The following CDH18 variants were observed in gnomAD, a reference collection of about 807,000 sequenced individuals.
CDH18 encodes cadherin-18.
CDH18 carries 31 observed loss-of-function variants against 67.9 expected under a neutral mutation model. The ratio of observed to expected loss-of-function variants is 0.46; its 90% CI spans 0.34 to 0.62. The LOEUF (loss-of-function observed/expected upper bound fraction) is 0.62. CDH18 is among the 20% of genes least tolerant of loss of function. CDH18 has a pLI of 0.01. For synonymous variants in CDH18, 362 were observed against 347.2 expected (o/e 1.04, Z -0.48); for missense variants, 890 against 975.5 (o/e 0.91, Z 1.17).
intron 2 of CDH18, among the ~76,000 whole-genome samples, chr5:19,927,238 C>T (rs764444845): frequency 1.3e-5 from 2 of 152,080 alleles, no homozygotes; most frequent in Non-Finnish European, 2.9e-5. Context: ...TGGCACAAGA[C>T]AGGAGATGAC....
chr5:20,471,851 A>AAAAAAAAAAAC (rs1752110010), intron 1 of CDH18, among the ~76,000 whole-genome samples: 1 of 137,602 alleles, frequency 7.3e-6, no homozygotes, highest in East Asian at 2.1e-4. Flanking sequence ...AAAAAAAAAA[A>AAAAAAAAAAAC]GCAAAAGCAT....
intron 5 of CDH18, among the ~76,000 whole-genome samples, chr5:19,671,955 C>T (rs1561003965): frequency 2.6e-5 from 4 of 152,058 alleles, no homozygotes; most frequent in Admixed American, 6.6e-5. Flanking sequence ...AGGAACAATT[C>T]CTAGGTATTC....
chr5:19,890,730 G>T lies in CDH18; in HGVS notation c.-256-51488C>A, dbSNP rs1579451896. Among the ~76,000 whole-genome samples, 3 of 151,956 alleles carry T rather than the reference G, an allele frequency of 2.0e-5. No homozygotes were observed. The East Asian group carries it at 5.8e-4, about 29-fold the overall frequency. On this transcript the variant is annotated intron_variant, in intron 2 of 12. Transcript: ENST00000382275. ...CTCCCTCAGCCTCCTGAGTAGTTGG[G>T]ATTATAGGCGCCCACCACTATGCCT...
intron 12 of CDH18, among the ~76,000 whole-genome samples, chr5:19,474,204 C>T (rs1377981697): frequency 2.0e-5 from 3 of 152,020 alleles, no homozygotes; most frequent in African/African-American, 7.2e-5. Context: ...AATTTTGATG[C>T]TTTGTAGAAA....
chr5:20,243,156 C>T (rs540977694), intron 2 of CDH18, among the ~76,000 whole-genome samples: 1 of 151,778 alleles, frequency 6.6e-6, no homozygotes, highest in Non-Finnish European at 1.5e-5. Flanking sequence ...AGTCTCTCTT[C>T]TAGTTAGATA....
At chr5:20,402,212 C>G (rs978647263) in intron 1 of CDH18, among the ~76,000 whole-genome samples, 3 of 152,072 alleles carry the variant, frequency 2.0e-5, no homozygotes, top group African/African-American at 7.2e-5. Flanking sequence ...TGTTTTTAAA[C>G]AAATTATTCT....
intron 1 of CDH18, among the ~76,000 whole-genome samples, chr5:20,444,783 T>C (rs184204505): frequency 2.6e-4 from 39 of 151,584 alleles, no homozygotes; most frequent in African/African-American, 8.2e-4. Flanking sequence ...TTCTTTCTTT[T>C]TTTTTTTTTT....
At chr5:19,564,524 C>G (rs1399872142) in intron 8 of CDH18, among the ~76,000 whole-genome samples, 1 of 152,090 alleles carries the variant, frequency 6.6e-6, no homozygotes, top group Non-Finnish European at 1.5e-5. Context: ...TTCATGACCT[C>G]CTTACTAAAG....
chr5:20,085,264 GC>G (rs1561777842), intron 2 of CDH18, among the ~76,000 whole-genome samples: 2 of 152,060 alleles, frequency 1.3e-5, no homozygotes, highest in South Asian at 4.2e-4. Context: ...CAGTCTTTTT[GC>G]TAAAACATCT....
intron 3 of CDH18, among the ~76,000 whole-genome samples, chr5:19,834,972 A>C (rs1167370111): frequency 6.6e-6 from 1 of 152,144 alleles, no homozygotes; most frequent in Non-Finnish European, 1.5e-5. Flanking sequence ...GGAATTCCTC[A>C]AGGATCTAGA....
intron 4 of CDH18, among the ~76,000 whole-genome samples, chr5:19,726,139 G>A (rs1785148762): frequency 6.6e-6 from 1 of 152,130 alleles, no homozygotes. Context: ...GCCTTGTTAA[G>A]TGAGAGTTGA....
At chr5:19,763,994 CAAAAAAAAAAAA>C (rs60958986) in intron 3 of CDH18, among the ~76,000 whole-genome samples, 4 of 65,302 alleles carry the variant, frequency 6.1e-5, no homozygotes, top group African/African-American at 2.5e-4. Flanking sequence ...ACTAAAAATA[CAAAAAAAAAAAA>C]AAAAAAAAAA....
chr5:20,503,451 T>C (rs1754461563), intron 1 of CDH18, among the ~76,000 whole-genome samples: 2 of 152,172 alleles, frequency 1.3e-5, no homozygotes, highest in African/African-American at 4.8e-5. Context: ...CTATGAGTTA[T>C]CAGTCACAGA....
chr5:20,276,862 A>G (rs1745848898), intron 1 of CDH18, among the ~76,000 whole-genome samples: 1 of 152,114 alleles, frequency 6.6e-6, no homozygotes, highest in African/African-American at 2.4e-5. Flanking sequence ...TTCAGTAAGC[A>G]TGACCAGTAG....
intron 2 of CDH18, among the ~76,000 whole-genome samples, chr5:20,121,132 G>A (rs1259786569): frequency 6.6e-6 from 1 of 152,156 alleles, no homozygotes; most frequent in Non-Finnish European, 1.5e-5. Flanking sequence ...TTTTATCTGT[G>A]CAAAGCGCAC....
intron 1 of CDH18, among the ~76,000 whole-genome samples, chr5:20,278,231 G>A (rs1745952415): frequency 6.6e-6 from 1 of 151,986 alleles, no homozygotes; most frequent in Non-Finnish European, 1.5e-5. Flanking sequence ...CTCCCAAAGA[G>A]CATGGATAAA....
intron 8 of CDH18, among the ~76,000 whole-genome samples, chr5:19,568,513 AT>A (rs1353411350): frequency 6.6e-6 from 1 of 152,150 alleles, no homozygotes; most frequent in African/African-American, 2.4e-5. Flanking sequence ...TGATAAATAA[AT>A]TGCAGTTTTT....
chr5:20,305,162 G>A (rs1736309242), intron 1 of CDH18: 12 of 1,442,882 alleles, frequency 8.3e-6, no homozygotes, highest in Non-Finnish European at 1.2e-5. Context: ...GTGAAGGGAG[G>A]GGCGCTGGTT....
chr5:20,383,079 TA>T (rs1262182535), intron 1 of CDH18, among the ~76,000 whole-genome samples: 1 of 152,174 alleles, frequency 6.6e-6, no homozygotes, highest in African/African-American at 2.4e-5. Flanking sequence ...AAACTCTTGT[TA>T]AATGCAGAGA....
Sources: gnomAD v4.1 joint callset for allele counts (sites outside exome capture counted in the v4.1 genomes callset) on GRCh38, gnomAD v4.1.1 for gene constraint, MANE v1.5 for transcripts, NCBI Gene and HGNC (gene_info 2026-07-23, HGNC 2026-07-21) for gene names.